Variants in SVOPL observed in about 807,000 individuals in gnomAD.
SVOPL encodes putative transporter SVOPL.
In SVOPL, 60 loss-of-function variants were observed where a neutral mutation model predicts 61.0. The ratio of observed to expected loss-of-function variants is 0.98; its 90% CI spans 0.80 to 1.22. The LOEUF (loss-of-function observed/expected upper bound fraction) is 1.22, where lower values mean the gene tolerates loss of function less well. Ranked by LOEUF, SVOPL falls within the 50% of genes most tolerant of loss-of-function variation. The pLI is 0.00. For synonymous variants in SVOPL, 279 were observed against 250.0 expected (o/e 1.12, Z -1.09); for missense variants, 662 against 643.9 (o/e 1.03, Z -0.30).
chr7:138,681,145 A>AAT (rs60335234), intron 1 of SVOPL, among the ~76,000 whole-genome samples: 77,135 of 148,850 alleles, frequency 0.52, 21,730 homozygotes, highest in African/African-American at 0.75. Context: ...TTGAACTTGA[A>AAT]AGAGATATGA....
At chr7:138,642,647 T>C (rs937535956) in intron 9 of SVOPL, among the ~76,000 whole-genome samples, 2 of 151,496 alleles carry the variant, frequency 1.3e-5, no homozygotes, top group African/African-American at 4.9e-5. Context: ...GGCAACATGG[T>C]GGAAACACTG....
intron 3 of SVOPL, among the ~76,000 whole-genome samples, chr7:138,676,789 A>G (rs1290565514): frequency 6.6e-6 from 1 of 152,198 alleles, no homozygotes; most frequent in African/African-American, 2.4e-5. Context: ...ATTTTAAAAA[A>G]TGAGTATTGA....
chr7:138,605,005 C>T (rs1259181762), intron 14 of SVOPL, among the ~76,000 whole-genome samples: 1 of 151,508 alleles, frequency 6.6e-6, no homozygotes, highest in Non-Finnish European at 1.5e-5. Flanking sequence ...CACCTGAAGC[C>T]AGGAGTTCAA....
At chr7:138,677,354 A>G (rs1487293720) in intron 3 of SVOPL, among the ~76,000 whole-genome samples, 2 of 151,954 alleles carry the variant, frequency 1.3e-5, no homozygotes, top group African/African-American at 2.4e-5. Context: ...ATTTTGCCCA[A>G]ATTCCTGTCT....
chr7:138,607,025 G>T (rs201668959), intron 14 of SVOPL, among the ~76,000 whole-genome samples: 1 of 147,060 alleles, frequency 6.8e-6, no homozygotes, highest in South Asian at 2.1e-4. Flanking sequence ...ACTGTTTTTT[G>T]TTTTTTTTTT....
intron 1 of SVOPL, among the ~76,000 whole-genome samples, chr7:138,686,231 C>T (rs957699302): frequency 4.0e-5 from 6 of 151,846 alleles, no homozygotes; most frequent in Non-Finnish European, 5.9e-5. Context: ...GGTGAAAACC[C>T]GTCTCTACTA....
Position 138,675,494 on chromosome 7 carries a change from C to T in SVOPL, c.174+2940G>A, listed in dbSNP as rs531362949. 3.9e-5 allele frequency among the ~76,000 whole-genome samples: 6 copies of T among 152,184 alleles called. No individual in the cohort carries two copies. In the East Asian group the frequency reaches 1.2e-3, roughly 30 times the overall value. On this transcript the variant is annotated intron_variant, in intron 3 of 15. Transcript: ENST00000674285. ...CCTGCCTTCCGAGTAGCTGGGATTGCAGGCATGTGCCACCATACCCCGGTA... is the reference window on the plus strand; with the variant it reads ...CCTGCCTTCCGAGTAGCTGGGATTGTAGGCATGTGCCACCATACCCCGGTA...
intron 14 of SVOPL, among the ~76,000 whole-genome samples, chr7:138,608,005 T>C (rs1182567953): frequency 6.6e-6 from 1 of 152,000 alleles, no homozygotes; most frequent in Non-Finnish European, 1.5e-5. Context: ...AAGAAAACAA[T>C]CCATTCCTAA....
At chr7:138,685,533 T>C (rs892122946) in intron 1 of SVOPL, among the ~76,000 whole-genome samples, 5 of 152,274 alleles carry the variant, frequency 3.3e-5, no homozygotes, top group Admixed American at 3.3e-4. Flanking sequence ...ATTGAGCCTA[T>C]AGTTAACAAT....
intron 1 of SVOPL, among the ~76,000 whole-genome samples, chr7:138,689,694 T>C (rs1013733003): frequency 3.3e-5 from 5 of 151,542 alleles, no homozygotes; most frequent in Non-Finnish European, 5.9e-5. Context: ...CCGTCTCTAC[T>C]AAAAATACAA....
chr7:138,602,635 A>G (rs1342266636), intron 14 of SVOPL, among the ~76,000 whole-genome samples: 1 of 152,024 alleles, frequency 6.6e-6, no homozygotes, highest in Non-Finnish European at 1.5e-5. Context: ...GGACAAGCTT[A>G]TGAGAAAGCC....
intron 4 of SVOPL, among the ~76,000 whole-genome samples, chr7:138,668,693 A>C (rs184426403): frequency 6.6e-5 from 10 of 152,320 alleles, no homozygotes; most frequent in African/African-American, 2.4e-4. Context: ...CCCAAAGATT[A>C]AAATTCACAG....
intron 9 of SVOPL, among the ~76,000 whole-genome samples, chr7:138,642,287 C>CAAAAAAAAAAAAAAAAAAAAAAAA (rs79469915): frequency 9.0e-6 from 1 of 111,672 alleles, no homozygotes; most frequent in African/African-American, 3.6e-5. Context: ...GGAAATTAGC[C>CAAAAAAAAAAAAAAAAAAAAAAAA]AAAAAAAAAA....
intron 9 of SVOPL, among the ~76,000 whole-genome samples, chr7:138,631,095 G>T (rs1800163283): frequency 1.3e-5 from 2 of 152,138 alleles, no homozygotes. Flanking sequence ...ATTACAGGCT[G>T]TTTCTAGAGA....
At chr7:138,627,633 A>G (rs1433188296) in intron 11 of SVOPL, among the ~76,000 whole-genome samples, 172 bp from the exon 12 acceptor site, 1 of 152,196 alleles carries the variant, frequency 6.6e-6, no homozygotes, top group Non-Finnish European at 1.5e-5. Context: ...GACTTTTTAC[A>G]TATACTTTAC....
chr7:138,662,888 G>A (rs1303395111), intron 5 of SVOPL, 186 bp downstream of exon 5: 3 of 1,432,274 alleles, frequency 2.1e-6, no homozygotes, highest in African/African-American at 1.4e-5. Context: ...ACAGCTGCAG[G>A]CACAGGTACC....
chr7:138,662,631 G>A, intron 5 of SVOPL: 1 of 991,252 alleles, frequency 1.0e-6, no homozygotes, highest in Non-Finnish European at 1.2e-6. Context: ...TAGAAGCGAA[G>A]ATATGGATAA....
At chr7:138,631,985 T>TACACACACACAC (rs59679310) in intron 9 of SVOPL, among the ~76,000 whole-genome samples, 1 of 132,472 alleles carries the variant, frequency 7.5e-6, no homozygotes, top group South Asian at 2.2e-4. Context: ...CACACACACA[T>TACACACACACAC]ACACACACCC....
At position 138,612,405 on chromosome 7, in the gene SVOPL, T is replaced by TA. The variant is rs1158818070; in HGVS notation, c.1353+8640dup. ...AAGAATTATCAATAAAAAAATAAAT[T>TA]AAAAAAAAAAAAAAAAAATAAAATA... On this transcript the variant is annotated intron_variant, in intron 14 of 15. Transcript: ENST00000674285. 2.4e-3 allele frequency among the ~76,000 whole-genome samples: 22 copies of TA among 9,322 alleles called. 3 individuals are homozygous for TA. The highest frequency in any genetic ancestry group is 3.8e-3 in the Non-Finnish European group (19 of 4,996). The allele number at this position is 9,322 out of a possible 152,430, so 6.1% of individuals were successfully genotyped here.
Sources: allele counts gnomAD v4.1 joint callset (sites outside exome capture counted in the v4.1 genomes callset), GRCh38; gene constraint gnomAD v4.1.1; transcripts MANE v1.5; gene names NCBI Gene and HGNC (gene_info 2026-07-23, HGNC 2026-07-21).